Variants in CDYL2 observed in about 807,000 individuals in gnomAD.
The protein encoded by CDYL2 is chromodomain Y-like protein 2.
A neutral mutation model predicts 49.4 loss-of-function variants in CDYL2; 23 were observed. That is an observed-to-expected ratio of 0.47 (90% confidence interval 0.34 to 0.66). The LOEUF (loss-of-function observed/expected upper bound fraction) is 0.66, where lower values mean the gene tolerates loss of function less well. CDYL2 is among the 30% of genes least tolerant of loss of function. The pLI is 0.01. For synonymous variants in CDYL2, 360 were observed against 268.8 expected, an observed-to-expected ratio of 1.34 and a Z score of -3.32; for missense variants, 678 against 656.4, an observed-to-expected ratio of 1.03 and a Z score of -0.36.
At chr16:80,716,270 T>C (rs995918970) in intron 1 of CDYL2, among the ~76,000 whole-genome samples, 1 of 152,262 alleles carries the variant, frequency 6.6e-6, no homozygotes, top group Non-Finnish European at 1.5e-5. Context: ...ATCATAATTA[T>C]ACATCCTTTA....
chr16:80,636,732 T>C (rs1362883874), intron 2 of CDYL2, among the ~76,000 whole-genome samples: 2 of 152,222 alleles, frequency 1.3e-5, no homozygotes, highest in African/African-American at 2.4e-5. Flanking sequence ...TAAATCATTC[T>C]ACTATGAAGA....
At chr16:80,655,843 TC>T (rs1239347505) in intron 2 of CDYL2, among the ~76,000 whole-genome samples, 2 of 152,138 alleles carry the variant, frequency 1.3e-5, no homozygotes, top group South Asian at 2.1e-4. Flanking sequence ...CTCTGCCCTC[TC>T]ACCGAGCAGT....
chr16:80,708,967 A>T (rs1335883393), intron 1 of CDYL2, among the ~76,000 whole-genome samples: 1 of 152,248 alleles, frequency 6.6e-6, no homozygotes, highest in Non-Finnish European at 1.5e-5. Flanking sequence ...CATTCCGAAA[A>T]TAAAAATGTT....
chr16:80,679,974 G>C (rs1909906336), intron 2 of CDYL2, among the ~76,000 whole-genome samples: 1 of 152,146 alleles, frequency 6.6e-6, no homozygotes, highest in African/African-American at 2.4e-5. Context: ...CCATGTTTGG[G>C]AGCCCCTAGA....
intron 1 of CDYL2, among the ~76,000 whole-genome samples, chr16:80,746,499 T>C (rs149372993): frequency 6.6e-6 from 1 of 152,350 alleles, no homozygotes; most frequent in Non-Finnish European, 1.5e-5. Flanking sequence ...CTCTCAAGTA[T>C]TCTGGAATCT....
intron 3 of CDYL2, chr16:80,632,583 C>G (rs1040457052): frequency 5.8e-6 from 1 of 170,996 alleles, no homozygotes; most frequent in African/African-American, 2.4e-5. Flanking sequence ...CAATCTGTCT[C>G]AATTATATAT....
Position 80,633,021 on chromosome 16 carries a change from C to T in CDYL2, c.832G>A (p.Glu278Lys). 1 of 1,613,432 alleles carries T rather than the reference C, an allele frequency of 6.2e-7. No homozygotes were observed. Residue 278 changes from glutamate to lysine, a missense_variant and splice_region_variant, in exon 3 of 7, where the codon GAG (glutamate) becomes AAG (lysine). Around this residue, in one of 3 missense-constraint regions of CDYL2, gnomAD observed 478 missense variants for 427.0 expected, o/e 1.12. Transcript: ENST00000570137. ...TCCCTCTGGCCGCCACCCCTTACCT[C>T]AGGTGTCAGGGCATTGTTATCCGAG... ...QTSDNNALTP[E>K]IMKEVRRALC...
At chr16:80,776,524 T>C (rs1287324852) in intron 1 of CDYL2, among the ~76,000 whole-genome samples, 1 of 151,562 alleles carries the variant, frequency 6.6e-6, no homozygotes, top group Non-Finnish European at 1.5e-5. Context: ...GATAATGGAA[T>C]GTATAAATAA....
intron 1 of CDYL2, among the ~76,000 whole-genome samples, chr16:80,729,864 C>T (rs923399430): frequency 2.0e-5 from 3 of 152,028 alleles, no homozygotes; most frequent in Non-Finnish European, 4.4e-5. Context: ...GGGTGCATAA[C>T]GAAATGAAGG....
chr16:80,759,549 A>AGTTTTGT (rs1299105618), intron 1 of CDYL2, among the ~76,000 whole-genome samples: 1 of 152,162 alleles, frequency 6.6e-6, no homozygotes, highest in Non-Finnish European at 1.5e-5. Context: ...GGGCAGGAAA[A>AGTTTTGT]GTTTTGTGAT....
intron 1 of CDYL2, among the ~76,000 whole-genome samples, chr16:80,756,101 ATGT>A (rs1433514374): frequency 6.6e-6 from 1 of 152,202 alleles, no homozygotes; most frequent in African/African-American, 2.4e-5. Flanking sequence ...TTATTAAATG[ATGT>A]TGTCATTAAA....
At chr16:80,617,165 A>G (rs1344982594) in intron 4 of CDYL2, among the ~76,000 whole-genome samples, 2 of 152,112 alleles carry the variant, frequency 1.3e-5, no homozygotes, top group East Asian at 3.9e-4. Flanking sequence ...CATTCATCAA[A>G]CATTTGCAGA....
intron 1 of CDYL2, among the ~76,000 whole-genome samples, chr16:80,771,453 C>G (rs1300090625): frequency 6.6e-6 from 1 of 152,236 alleles, no homozygotes; most frequent in Non-Finnish European, 1.5e-5. Flanking sequence ...CCTGTAATCC[C>G]AGCACTTCGG....
chr16:80,783,220 T>C (rs545609585), intron 1 of CDYL2, among the ~76,000 whole-genome samples: 18 of 152,282 alleles, frequency 1.2e-4, no homozygotes, highest in Non-Finnish European at 2.4e-4. Context: ...TGAATAAGTA[T>C]TTCTCCAAAG....
Position 80,612,486 on chromosome 16 carries a change from G to T in CDYL2, c.1218+140C>A. 1.4e-6 allele frequency: 1 copy of T among 739,294 alleles called. No individual in the cohort carries two copies. 45.8% of individuals were successfully genotyped at this position (739,294 alleles called of 1,614,324 possible). A position where few individuals can be genotyped will look rare whatever the true frequency, so the allele number is the denominator to read the frequency against. ...CCGGGCTACTCCATCTGGCACTGAA[G>T]GTGTGAAGGACATGAGGCAGCCAAG... is the stretch of plus-strand genomic sequence containing the variant. On this transcript the variant is annotated intron_variant, in intron 5 of 6. Transcript: ENST00000570137. This position sits in a 1 kb window ranked among gnomAD's most constrained non-coding sequence, Gnocchi z 5.0.
rs552796846 is a variant in CDYL2, at chr16:80,679,044, T to C, written c.616+5494A>G. On this transcript the variant is annotated intron_variant, in intron 2 of 6. Transcript: ENST00000570137. ...ACCAAACACTGCATATTCTCACTCATAGGTGGGAACTGAACAATGAGAACA... is the reference window on the plus strand; with the variant it reads ...ACCAAACACTGCATATTCTCACTCACAGGTGGGAACTGAACAATGAGAACA... Among the ~76,000 whole-genome samples the C allele has an allele frequency of 5.8e-3, 817 of 140,794 alleles. 9 individuals are homozygous for C. The highest frequency in any genetic ancestry group is 0.021 in the African/African-American group (790 of 37,394). 92.4% of individuals were successfully genotyped at this position (140,794 alleles called of 152,430 possible). A position where few individuals can be genotyped will look rare whatever the true frequency, so the allele number is the denominator to read the frequency against.
At chr16:80,626,635 G>A (rs564489359) in intron 3 of CDYL2, among the ~76,000 whole-genome samples, 88 of 152,322 alleles carry the variant, frequency 5.8e-4, no homozygotes, top group African/African-American at 2.1e-3. Context: ...CATAGTGATA[G>A]AAAACAAGGC....
intron 1 of CDYL2, among the ~76,000 whole-genome samples, chr16:80,731,820 A>G (rs1483615326): frequency 1.3e-5 from 2 of 152,162 alleles, no homozygotes; most frequent in African/African-American, 4.8e-5. Flanking sequence ...AACTCTCTGA[A>G]GAATCTACTT....
intron 1 of CDYL2, among the ~76,000 whole-genome samples, chr16:80,695,117 T>C (rs909763832): frequency 2.0e-5 from 3 of 152,266 alleles, no homozygotes; most frequent in Non-Finnish European, 4.4e-5. Flanking sequence ...AGGCCAAATC[T>C]GGCCAGATGT....
Sources: gnomAD v4.1 joint callset for allele counts (sites outside exome capture counted in the v4.1 genomes callset) on GRCh38, gnomAD v4.1.1 for gene constraint, gnomAD v4.1.1 regional missense constraint, Gnocchi (gnomAD v3.1) non-coding constraint, MANE v1.5 for transcripts, NCBI Gene and HGNC (gene_info 2026-07-23, HGNC 2026-07-21) for gene names.